The following ZSCAN30 variants were observed in gnomAD, a reference collection of about 807,000 sequenced individuals.
ZSCAN30 encodes the protein zinc finger and SCAN domain-containing protein 30.
A neutral mutation model predicts 44.3 loss-of-function variants in ZSCAN30; 37 were observed. That is an observed-to-expected ratio of 0.84 (90% CI 0.64 to 1.10). The LOEUF (loss-of-function observed/expected upper bound fraction) is 1.10, where lower values mean the gene tolerates loss of function less well. Ranked by LOEUF, ZSCAN30 falls within the 50% of genes least tolerant of loss-of-function variation. The probability of loss-of-function intolerance (pLI) is 0.00; values close to 1 mark genes in which losing one functional copy is unlikely to be tolerated. For synonymous variants in ZSCAN30, 181 were observed against 204.6 expected (o/e 0.88, Z 0.98); for missense variants, 549 against 582.6 (o/e 0.94, Z 0.59).
Position 35,254,259 on chromosome 18 carries a change from C to T in ZSCAN30, c.676G>A (p.Glu226Lys). The T allele has an allele frequency of 1.9e-6, 3 of 1,614,130 alleles. No homozygotes were observed. The highest frequency in any genetic ancestry group is 2.5e-6 in the Non-Finnish European group (3 of 1,179,986). ...TTGTCCAGACCTCCCAAAGCTTCTT[C>T]AGCTATCCGTTGGGAATGTGTTTCT... The part of the protein sequence containing the change: ...PGETHSQRIA[E>K]EALGGLDNSK... The change falls in exon 4 of 4, where the codon GAA becomes AAA. Residue 226 changes from glutamate to lysine, a missense_variant. By Grantham distance (56) the Glu-to-Lys change is moderately conservative. Coordinates refer to ENST00000333206, the MANE Select transcript of ZSCAN30 (RefSeq NM_001112734.4).
intron 1 of ZSCAN30, among the ~76,000 whole-genome samples, chr18:35,271,308 T>C (rs1185909770): frequency 1.3e-5 from 2 of 152,186 alleles, no homozygotes; most frequent in African/African-American, 4.8e-5. Flanking sequence ...GACAGGGTGC[T>C]GATTGGTGCG....
chr18:35,267,444 C>T (rs2044180291), intron 1 of ZSCAN30: 1 of 151,990 alleles, frequency 6.6e-6, no homozygotes, highest in African/African-American at 2.4e-5. Context: ...TGGGAAGCAC[C>T]CGGGACCGCC....
rs1170569151 is a variant in ZSCAN30, at chr18:35,253,278, T to C, written c.*172A>G. ...AGACTTGGGTAACATTTTTCTTCCA[T>C]TTAACACTTCAATAATCATAACAAA... On this transcript the variant is annotated 3_prime_UTR_variant, in exon 4 of 4. Transcript: ENST00000333206. 2 of 505,224 alleles carry C rather than the reference T, an allele frequency of 4.0e-6. No homozygotes were observed. The highest frequency in any genetic ancestry group is 3.1e-5 in the East Asian group (1 of 32,354). The allele number at this position is 505,224 out of a possible 1,614,324, so 31.3% of individuals were successfully genotyped here.
At chr18:35,260,595 C>T (rs747655239) in intron 3 of ZSCAN30, 1 of 152,166 alleles carries the variant, frequency 6.6e-6, no homozygotes, top group Non-Finnish European at 1.5e-5. Flanking sequence ...TCTTGATTTG[C>T]ATTTCTCTAA....
Position 35,252,950 on chromosome 18 carries a change from G to GAT in ZSCAN30, c.*498_*499dup, listed in dbSNP as rs1230648063. On this transcript the variant is annotated 3_prime_UTR_variant, in exon 4 of 4. Transcript: ENST00000333206. ...CCTCAGGTACTATTTTACTGCCTCAGATATTATTAAACTAATAGCATAATT... is the reference window on the plus strand; with the variant it reads ...CCTCAGGTACTATTTTACTGCCTCAGATATATTATTAAACTAATAGCATAATT... The GAT allele has an allele frequency of 1.3e-5, 2 of 153,594 alleles. No individual in the cohort carries two copies. The highest frequency in any genetic ancestry group is 6.5e-5 in the Admixed American group (1 of 15,468). The allele number at this position is 153,594 out of a possible 1,614,324, so 9.5% of individuals were successfully genotyped here.
At chr18:35,276,549 G>A (rs896634957) in intron 1 of ZSCAN30, among the ~76,000 whole-genome samples, 13 of 152,178 alleles carry the variant, frequency 8.5e-5, no homozygotes, top group African/African-American at 2.4e-4. Context: ...AGGGGCCAAC[G>A]TAAAGCTCGG....
At chr18:35,289,077 G>A (rs916275006) in intron 1 of ZSCAN30, among the ~76,000 whole-genome samples, 2 of 152,010 alleles carry the variant, frequency 1.3e-5, no homozygotes, top group Non-Finnish European at 2.9e-5. Flanking sequence ...ATGGGTTCAC[G>A]CGATTCTCCT....
intron 1 of ZSCAN30, among the ~76,000 whole-genome samples, chr18:35,270,989 G>A (rs187698872): frequency 1.1e-4 from 16 of 152,162 alleles, no homozygotes; most frequent in African/African-American, 3.4e-4. Context: ...CCTTCCTCCC[G>A]TCCGGAGTTG....
intron 3 of ZSCAN30, chr18:35,257,482 G>C (rs563480244): frequency 5.5e-6 from 1 of 180,834 alleles, no homozygotes; most frequent in Non-Finnish European, 1.2e-5. Context: ...GCCCTATGGT[G>C]CTCATTTGCC....
At chr18:35,273,079 T>C (rs2044311444) in intron 1 of ZSCAN30, among the ~76,000 whole-genome samples, 1 of 152,184 alleles carries the variant, frequency 6.6e-6, no homozygotes, top group Non-Finnish European at 1.5e-5. Flanking sequence ...CCAAACCGTA[T>C]CAACTTCAGT....
intron 3 of ZSCAN30, chr18:35,256,249 A>G (rs1304466337): frequency 6.6e-6 from 1 of 152,234 alleles, no homozygotes; most frequent in Non-Finnish European, 1.5e-5. Flanking sequence ...TAATTCTTAG[A>G]AAAGACAAAT....
Position 35,254,093 on chromosome 18 carries a change from C to A in ZSCAN30, c.842G>T (p.Ser281Ile), listed in dbSNP as rs368139268. The change falls in exon 4 of 4, where the codon AGT becomes ATT. Residue 281 changes from serine (S) to isoleucine (I), a missense_variant. By Grantham distance (142) the Ser-to-Ile change is moderately radical. Coordinates refer to ENST00000333206, the MANE Select transcript of ZSCAN30 (RefSeq NM_001112734.4). ...SVLESHESEGSFSMNSNDITQ... is the reference protein window; with the variant it reads ...SVLESHESEGIFSMNSNDITQ... The stretch of plus-strand genomic sequence containing the variant: ...AATATCATTTGAATTCATACTGAAA[C>A]TTCCTTCACTCTCATGAGATTCAAG... 1.1e-5 allele frequency: 17 copies of A among 1,614,122 alleles called. No individual in the cohort carries two copies. In the African/African-American group the frequency reaches 1.9e-4, roughly 18 times the overall value.
At chr18:35,271,732 C>A (rs931838684) in intron 1 of ZSCAN30, among the ~76,000 whole-genome samples, 1 of 152,216 alleles carries the variant, frequency 6.6e-6, no homozygotes, top group African/African-American at 2.4e-5. Context: ...GCTCCAGCTG[C>A]GTGGGAGCCC....
At chr18:35,276,463 G>T (rs1205989490) in intron 1 of ZSCAN30, among the ~76,000 whole-genome samples, 1 of 152,124 alleles carries the variant, frequency 6.6e-6, no homozygotes, top group African/African-American at 2.4e-5. Context: ...TTTGTGGGTG[G>T]GGCCTAGGGC....
chr18:35,262,346 T>A (rs549919923), intron 3 of ZSCAN30: 1 of 152,308 alleles, frequency 6.6e-6, no homozygotes, highest in Non-Finnish European at 1.5e-5. Flanking sequence ...CTGCTGCCCA[T>A]AAGGATGATT....
rs1224619933 is a variant in ZSCAN30 at position 35,264,059 on chromosome 18, G to A, written c.294C>T (p.Ala98=). ...AAGCTTGCAGCTCCTCAGGAAGGAT[G>A]GCCAGGAACTGCTCCAACATCAGCA... The part of the protein sequence containing the change: ...LELLMLEQFL[A]ILPEELQAWL... Residue 98 remains alanine (A), a synonymous_variant, in exon 2 of 4, where the codon GCC becomes GCT. Transcript: ENST00000333206. 13 of 1,614,084 alleles carry A rather than the reference G, an allele frequency of 8.1e-6. No homozygotes were observed. Among genetic ancestry groups the A allele is most frequent in the Non-Finnish European group, 1.1e-5 (13 of 1,179,932 alleles).
intron 1 of ZSCAN30, among the ~76,000 whole-genome samples, chr18:35,278,311 C>T (rs1409351159): frequency 6.6e-6 from 1 of 152,176 alleles, no homozygotes; most frequent in Non-Finnish European, 1.5e-5. Flanking sequence ...GTGTCCCCAC[C>T]CTCTGGGTAC....
At chr18:35,270,212 TAATA>T (rs1386785862) in intron 1 of ZSCAN30, 3 of 151,978 alleles carry the variant, frequency 2.0e-5, no homozygotes, top group Admixed American at 1.3e-4. Context: ...TGAAAGATGT[TAATA>T]AAAAGAAATG....
Position 35,255,034 on chromosome 18 carries a change from T to A in ZSCAN30, c.554-653A>T, listed in dbSNP as rs188070294. 553 of 153,726 alleles carry A rather than the reference T, an allele frequency of 3.6e-3. 1 individual carries two copies. Among genetic ancestry groups the A allele is most frequent in the South Asian group, 7.2e-3 (35 of 4,886 alleles). 9.5% of individuals were successfully genotyped at this position (153,726 alleles called of 1,614,324 possible). A position where few individuals can be genotyped will look rare whatever the true frequency, so the allele number is the denominator to read the frequency against. On this transcript the variant is annotated intron_variant, in intron 3 of 3. Coordinates refer to ENST00000333206, the MANE Select transcript of ZSCAN30 (RefSeq NM_001112734.4). Reference sequence around the variant, plus strand: ...GAATTTTTTTTAACTTTAAAAAAAATTTTGCACTTAAATCATCCATGGAAT... The same window carrying A: ...GAATTTTTTTTAACTTTAAAAAAAAATTTGCACTTAAATCATCCATGGAAT...
Sources: gnomAD v4.1 joint callset for allele counts (sites outside exome capture counted in the v4.1 genomes callset) on GRCh38, gnomAD v4.1.1 for gene constraint, MANE v1.5 for transcripts, NCBI Gene and HGNC (gene_info 2026-07-23, HGNC 2026-07-21) for gene names.